The following ARK2N variants were observed in gnomAD, a reference collection of about 807,000 sequenced individuals.
ARK2N encodes the protein arkadia (RNF111) N-terminal like PKA signaling regulator 2N.
the ARK2N span, among the ~76,000 whole-genome samples, chr18:46,207,502 G>A: frequency 1.3e-5 from 2 of 148,660 alleles, no homozygotes; most frequent in East Asian, 4.0e-4. Flanking sequence ...CCATTCTCCC[G>A]TCTCAGCCTC....
chr18:46,240,260 A>G, the ARK2N span: 9 of 1,506,898 alleles, frequency 6.0e-6, no homozygotes, highest in Non-Finnish European at 8.1e-6. Context: ...CTTGTAGTGG[A>G]CCCTGATGAG....
At chr18:46,228,383 T>C in the ARK2N span, among the ~76,000 whole-genome samples, 699 of 146,666 alleles carry the variant, frequency 4.8e-3, 3 homozygotes, top group African/African-American at 0.018. Context: ...CGATAATTAA[T>C]ATATTAAGCA....
At chr18:46,218,985 C>T in the ARK2N span, 3 of 152,196 alleles carry the variant, frequency 2.0e-5, no homozygotes, top group African/African-American at 7.2e-5. Flanking sequence ...AGAAAATGCT[C>T]TTTATAAGCT....
At chr18:46,189,157 G>A in the ARK2N span, among the ~76,000 whole-genome samples, 1,631 of 144,298 alleles carry the variant, frequency 0.011, 13 homozygotes, top group Non-Finnish European at 0.018. Flanking sequence ...GGAGATTGCC[G>A]TGAGCCAAGA....
chr18:46,233,673 A>G, the ARK2N span, among the ~76,000 whole-genome samples: 1 of 152,174 alleles, frequency 6.6e-6, no homozygotes, highest in Non-Finnish European at 1.5e-5. Context: ...TAAACCCTTC[A>G]TGAATATCAT....
At chr18:46,244,311 T>C in the ARK2N span, among the ~76,000 whole-genome samples, 1 of 152,152 alleles carries the variant, frequency 6.6e-6, no homozygotes, top group Non-Finnish European at 1.5e-5. Flanking sequence ...ATTTAGGATT[T>C]TTTTCCCTGG....
At chr18:46,201,164 G>A in the ARK2N span, among the ~76,000 whole-genome samples, 3 of 151,626 alleles carry the variant, frequency 2.0e-5, no homozygotes, top group Admixed American at 6.6e-5. Context: ...ATATTTTTTT[G>A]TAGATATAGG....
the ARK2N span, chr18:46,265,674 ACT>A: frequency 6.6e-6 from 1 of 152,320 alleles, no homozygotes; most frequent in Non-Finnish European, 1.5e-5. Context: ...CTGTGTTTCA[ACT>A]CTCTTTTCAT....
At chr18:46,255,350 C>T in the ARK2N span, among the ~76,000 whole-genome samples, 1 of 151,722 alleles carries the variant, frequency 6.6e-6, no homozygotes, top group African/African-American at 2.4e-5. Context: ...GTATTTATAC[C>T]TTCTGTATTT....
chr18:46,215,164 C>T, the ARK2N span, among the ~76,000 whole-genome samples: 1 of 152,008 alleles, frequency 6.6e-6, no homozygotes, highest in Non-Finnish European at 1.5e-5. Context: ...ACAAAAAATA[C>T]AAAAATTAGC....
At chr18:46,242,238 G>C in the ARK2N span, among the ~76,000 whole-genome samples, 1 of 152,078 alleles carries the variant, frequency 6.6e-6, no homozygotes, top group Admixed American at 6.6e-5. Flanking sequence ...TTATGGTAAA[G>C]TTTTGGGGTA....
chr18:46,213,950 A>G, the ARK2N span, among the ~76,000 whole-genome samples: 2,646 of 151,976 alleles, frequency 0.017, 72 homozygotes, highest in African/African-American at 0.06. Flanking sequence ...ACTTGCCTCC[A>G]CCTCCTAAAG....
At chr18:46,241,674 A>G in the ARK2N span, among the ~76,000 whole-genome samples, 3 of 151,796 alleles carry the variant, frequency 2.0e-5, no homozygotes, top group Admixed American at 2.0e-4. Flanking sequence ...GCAGTGAGCT[A>G]AGATTGTGCC....
chr18:46,228,965 A>C, the ARK2N span: 3 of 392,706 alleles, frequency 7.6e-6, no homozygotes, highest in Non-Finnish European at 1.3e-5. Context: ...CTTTTCTACA[A>C]AATTTTGAGG....
the ARK2N span, among the ~76,000 whole-genome samples, chr18:46,198,734 G>T: frequency 2.0e-5 from 3 of 152,040 alleles, no homozygotes; most frequent in African/African-American, 2.4e-5. Flanking sequence ...AAGTAGCTGG[G>T]ACTACAGGCG....
the ARK2N span, among the ~76,000 whole-genome samples, chr18:46,206,578 T>C: frequency 6.6e-6 from 1 of 152,206 alleles, no homozygotes; most frequent in Non-Finnish European, 1.5e-5. Flanking sequence ...ATTTAAATAA[T>C]CATTTCATCT....
chr18:46,226,639 A>G, the ARK2N span, among the ~76,000 whole-genome samples: 2 of 152,168 alleles, frequency 1.3e-5, no homozygotes, highest in Admixed American at 6.5e-5. Flanking sequence ...AACATGATAG[A>G]TGTTTTTATG....
At chr18:46,202,769 CAG>C in the ARK2N span, among the ~76,000 whole-genome samples, 1 of 143,540 alleles carries the variant, frequency 7.0e-6, no homozygotes, top group Non-Finnish European at 1.5e-5. Flanking sequence ...GCCTGGGCAA[CAG>C]AGTGAGACTC....
chr18:46,199,399 C>G, the ARK2N span, among the ~76,000 whole-genome samples: 1 of 151,488 alleles, frequency 6.6e-6, no homozygotes, highest in African/African-American at 2.4e-5. Flanking sequence ...AGTGCAACCT[C>G]TGTCTCCTGG....
Sources: gnomAD v4.1 joint callset for allele counts (sites outside exome capture counted in the v4.1 genomes callset) on GRCh38, gnomAD v4.1.1 for gene constraint, MANE v1.5 for transcripts, NCBI Gene and HGNC (gene_info 2026-07-23, HGNC 2026-07-21) for gene names.